Variants in CPNE4 observed in about 807,000 individuals in gnomAD.
CPNE4 encodes the protein copine 4, also known as copine-4.
CPNE4 carries 25 observed loss-of-function variants against 67.9 expected under a neutral mutation model. The observed-to-expected ratio is 0.37, with a 90% CI of 0.27 to 0.51. The LOEUF is 0.51. CPNE4 is among the 20% of genes least tolerant of loss of function. The probability of loss-of-function intolerance (pLI) is 0.93; values close to 1 mark genes in which losing one functional copy is unlikely to be tolerated. For synonymous variants in CPNE4, 242 were observed against 244.9 expected, an observed-to-expected ratio of 0.99 and a Z score of 0.11; for missense variants, 464 against 690.8, an observed-to-expected ratio of 0.67 and a Z score of 3.68.
At chr3:131,824,479 G>A (rs1052141295) in intron 2 of CPNE4, among the ~76,000 whole-genome samples, 4 of 152,136 alleles carry the variant, frequency 2.6e-5, no homozygotes, top group African/African-American at 9.7e-5. Context: ...AGCATGACCT[G>A]GTGCCTAGCC....
chr3:131,872,127 G>T (rs2087237186), intron 2 of CPNE4, among the ~76,000 whole-genome samples: 2 of 152,052 alleles, frequency 1.3e-5, no homozygotes, highest in Non-Finnish European at 2.9e-5. Context: ...ATTTGTCGGG[G>T]TTTTCCAGAG....
chr3:131,975,057 C>A (rs2072611062), intron 1 of CPNE4, among the ~76,000 whole-genome samples: 1 of 152,026 alleles, frequency 6.6e-6, no homozygotes, highest in South Asian at 2.1e-4. Flanking sequence ...AGAGAACCAT[C>A]AAATTTTTTT....
chr3:131,889,303 C>G (rs941048800), intron 2 of CPNE4, among the ~76,000 whole-genome samples: 1 of 152,186 alleles, frequency 6.6e-6, no homozygotes, highest in Non-Finnish European at 1.5e-5. Context: ...CCTTCATTAT[C>G]CTGTTAGCCA....
At chr3:131,724,457 G>T (rs954404205) in intron 2 of CPNE4, among the ~76,000 whole-genome samples, 1 of 152,108 alleles carries the variant, frequency 6.6e-6, no homozygotes, top group African/African-American at 2.4e-5. Flanking sequence ...ATACATCTCT[G>T]CCACTTTCTG....
intron 2 of CPNE4, among the ~76,000 whole-genome samples, chr3:131,775,619 C>T (rs925681747): frequency 2.0e-5 from 3 of 152,102 alleles, no homozygotes; most frequent in Non-Finnish European, 4.4e-5. Flanking sequence ...AGTTTCCCCG[C>T]ACAAGTTCTC....
chr3:131,607,200 C>T (rs1338826833), intron 7 of CPNE4, among the ~76,000 whole-genome samples: 3 of 149,428 alleles, frequency 2.0e-5, no homozygotes, highest in Non-Finnish European at 4.5e-5. Flanking sequence ...GGAAGACATC[C>T]TATTCCTTCC....
chr3:131,804,090 TC>T (rs2084225641), intron 2 of CPNE4, among the ~76,000 whole-genome samples: 1 of 152,180 alleles, frequency 6.6e-6, no homozygotes, highest in Admixed American at 6.5e-5. Flanking sequence ...GATTAATCCA[TC>T]CCATCAGAGT....
chr3:131,953,183 T>C (rs1191499181), intron 1 of CPNE4, among the ~76,000 whole-genome samples: 2 of 145,612 alleles, frequency 1.4e-5, no homozygotes, highest in East Asian at 2.0e-4. Flanking sequence ...CCCTCCACTA[T>C]TGTCATATGA....
intron 2 of CPNE4, among the ~76,000 whole-genome samples, chr3:131,729,331 G>T (rs2082074539): frequency 6.6e-6 from 1 of 152,124 alleles, no homozygotes; most frequent in South Asian, 2.1e-4. Flanking sequence ...ATAAAGAATG[G>T]CTTTATGTTT....
Position 131,542,608 on chromosome 3 carries a change from C to T in CPNE4, c.1488G>A (p.Glu496=), listed in dbSNP as rs555361257. 6 of 1,614,126 alleles carry T rather than the reference C, an allele frequency of 3.7e-6. No homozygotes were observed. In the East Asian group the frequency reaches 6.7e-5, roughly 18 times the overall value. The change falls in exon 15 of 16, where the codon GAG becomes GAA. Residue 496 remains glutamate (E), a synonymous_variant. Transcript: ENST00000429747. The stretch of plus-strand genomic sequence containing the variant: ...ACTGGACGATGTCTCGAAGAACAGG[C>T]TCTCCCTTGGGTGACCTCAGAATCC... ...DDGILRSPKG[E]PVLRDIVQFV... is the part of the protein sequence containing the mutation.
intron 5 of CPNE4, among the ~76,000 whole-genome samples, chr3:131,687,147 G>T (rs115614051): frequency 1.4e-3 from 219 of 152,274 alleles, no homozygotes; most frequent in African/African-American, 5.1e-3. Context: ...TCAAATACAT[G>T]TCTCTTGTGT....
chr3:131,800,289 C>A (rs2084054728), intron 2 of CPNE4, among the ~76,000 whole-genome samples: 1 of 152,104 alleles, frequency 6.6e-6, no homozygotes, highest in Non-Finnish European at 1.5e-5. Flanking sequence ...TATTTAACTA[C>A]TGAGATTGTG....
intron 1 of CPNE4, among the ~76,000 whole-genome samples, chr3:131,930,124 A>G (rs1344612761): frequency 6.6e-6 from 1 of 152,168 alleles, no homozygotes; most frequent in Non-Finnish European, 1.5e-5. Flanking sequence ...ATGGTTGTTA[A>G]CAAGAGGTAG....
intron 1 of CPNE4, among the ~76,000 whole-genome samples, chr3:132,028,044 TA>T (rs1441293876): frequency 6.6e-6 from 1 of 152,250 alleles, no homozygotes; most frequent in East Asian, 1.9e-4. Flanking sequence ...GTCAATGATT[TA>T]GGCATTTACT....
intron 3 of CPNE4, among the ~76,000 whole-genome samples, chr3:131,721,721 A>T (rs144153948): frequency 5.9e-5 from 9 of 152,248 alleles, no homozygotes; most frequent in South Asian, 2.1e-4. Context: ...CTTGTGACAA[A>T]ATATAAAATT....
intron 7 of CPNE4, among the ~76,000 whole-genome samples, chr3:131,642,859 A>C (rs1451963094): frequency 6.6e-6 from 1 of 152,164 alleles, no homozygotes; most frequent in African/African-American, 2.4e-5. Context: ...CTTTATAAAT[A>C]ACCCTGTCTA....
chr3:131,785,186 A>T (rs1165796631), intron 2 of CPNE4, among the ~76,000 whole-genome samples: 6 of 152,108 alleles, frequency 3.9e-5, no homozygotes, highest in Non-Finnish European at 8.8e-5. Context: ...TGAGAAGTAC[A>T]TATTCCCCAC....
At chr3:131,727,473 G>GA (rs5852641) in intron 2 of CPNE4, among the ~76,000 whole-genome samples, 50,340 of 150,150 alleles carry the variant, frequency 0.34, 8,518 homozygotes, top group East Asian at 0.39. Context: ...TCAAAAAAAA[G>GA]AAAAAAAAAT....
intron 3 of CPNE4, among the ~76,000 whole-genome samples, chr3:131,714,238 C>G (rs764568549): frequency 1.3e-5 from 2 of 152,070 alleles, no homozygotes; most frequent in Non-Finnish European, 2.9e-5. Flanking sequence ...TGGCTCATCC[C>G]GACACTAAAC....
Sources: gnomAD v4.1 joint callset for allele counts (sites outside exome capture counted in the v4.1 genomes callset) on GRCh38, gnomAD v4.1.1 for gene constraint, MANE v1.5 for transcripts, NCBI Gene and HGNC (gene_info 2026-07-23, HGNC 2026-07-21) for gene names.